Variants in CCNH observed in about 807,000 individuals in gnomAD.
CCNH encodes the protein cyclin-H.
In CCNH, 31 loss-of-function variants were observed where a neutral mutation model predicts 41.9. The observed-to-expected ratio is 0.74, with a 90% CI of 0.56 to 1.00. The LOEUF is 1.00. Ranked by LOEUF, CCNH falls within the 50% of genes least tolerant of loss-of-function variation. CCNH has a pLI of 0.00. For missense variants in CCNH, 362 were observed against 388.4 expected (o/e 0.93, Z 0.57); for synonymous variants, 138 against 136.1 (o/e 1.01, Z -0.10).
At chr5:87,412,089 C>G (rs1410337695) in intron 1 of CCNH, among the ~76,000 whole-genome samples, 2 of 152,138 alleles carry the variant, frequency 1.3e-5, no homozygotes, top group Non-Finnish European at 2.9e-5. Context: ...AGCGCTGTTT[C>G]CAGAACGGAA....
At chr5:87,347,522 G>C (rs905173959) in intron 9 of CCNH, among the ~76,000 whole-genome samples, 1 of 151,944 alleles carries the variant, frequency 6.6e-6, no homozygotes, top group Non-Finnish European at 1.5e-5. Flanking sequence ...CAAAAATGTT[G>C]ACTATTCAAT....
downstream of CCNH, chr5:87,392,084 A>G (rs975325325): frequency 9.0e-6 from 3 of 332,824 alleles, no homozygotes; most frequent in Middle Eastern, 9.7e-4. Context: ...TATAAATGCA[A>G]TAATTCCTTC....
intron 9 of CCNH, among the ~76,000 whole-genome samples, chr5:87,357,331 C>T (rs1759727119): frequency 6.6e-6 from 1 of 151,964 alleles, no homozygotes; most frequent in African/African-American, 2.4e-5. Context: ...ATCAGAGGTG[C>T]CTTTGCCTCC....
intron 9 of CCNH, among the ~76,000 whole-genome samples, chr5:87,364,686 A>G (rs1760373977): frequency 6.6e-6 from 1 of 151,990 alleles, no homozygotes; most frequent in Non-Finnish European, 1.5e-5. Flanking sequence ...TCTACTCTGC[A>G]CCCTTCTTGT....
At chr5:87,313,614 C>G (rs1387840076), downstream of CCNH, among the ~76,000 whole-genome samples, 7 of 152,248 alleles carry the variant, frequency 4.6e-5, no homozygotes, top group Admixed American at 3.3e-4. Flanking sequence ...ACTTAAATGT[C>G]CCCCAGTATC....
intron 9 of CCNH, among the ~76,000 whole-genome samples, chr5:87,335,653 T>C (rs1021655001): frequency 6.6e-6 from 1 of 152,040 alleles, no homozygotes; most frequent in African/African-American, 2.4e-5. Context: ...CTTGAACTAC[T>C]GACCTCGGGT....
intron 9 of CCNH, among the ~76,000 whole-genome samples, chr5:87,356,323 C>G (rs1415150486): frequency 6.6e-6 from 1 of 152,052 alleles, no homozygotes; most frequent in East Asian, 1.9e-4. Context: ...ACATCAGTAT[C>G]AAGGCAAGAC....
chr5:87,315,512 CAA>C (rs886768865), downstream of CCNH, among the ~76,000 whole-genome samples: 4 of 152,294 alleles, frequency 2.6e-5, no homozygotes, highest in African/African-American at 9.6e-5. Context: ...AAGTTTCTAA[CAA>C]AGGAAATTTG....
downstream of CCNH, chr5:87,392,294 G>T (rs764397118): frequency 4.4e-5 from 20 of 455,824 alleles, 1 homozygote; most frequent in Middle Eastern, 3.2e-4. Context: ...GGGCTTAAAA[G>T]ATGTCTGCTT....
intron 9 of CCNH, among the ~76,000 whole-genome samples, chr5:87,361,150 A>C (rs1173532382): frequency 6.6e-6 from 1 of 152,200 alleles, no homozygotes; most frequent in Non-Finnish European, 1.5e-5. Context: ...TGTCCACTAA[A>C]GTCTGTCTTT....
rs1256447072 is a variant in CCNH at position 87,394,449 on chromosome 5, G to C, written c.969C>G (p.Leu323=). 1 of 1,612,640 alleles carries C rather than the reference G, an allele frequency of 6.2e-7. No individual in the cohort carries two copies. Among genetic ancestry groups the C allele is most frequent in the East Asian group, 2.2e-5 (1 of 44,794 alleles). ...TTGAGAAATCAACTTCAAATGGTTA[G>C]AGAGATTCTACCAGGTCGTCATCAG... ...EWTDDDLVES[L] is the part of the protein sequence containing the mutation. Residue 323 remains leucine, a synonymous_variant, in exon 9 of 9, where the codon CTC becomes CTG. Coordinates refer to ENST00000256897, the MANE Select transcript of CCNH (RefSeq NM_001239.4).
At chr5:87,374,897 A>G (rs901983128), downstream of CCNH, 1 of 1,608,212 alleles carries the variant, frequency 6.2e-7, no homozygotes, top group African/African-American at 1.3e-5. Context: ...AAACAAAGAA[A>G]AGCAAAGATC....
At chr5:87,407,241 C>G (rs3093793) in intron 4 of CCNH, among the ~76,000 whole-genome samples, 1 of 152,098 alleles carries the variant, frequency 6.6e-6, no homozygotes, top group Non-Finnish European at 1.5e-5. Context: ...ATATTTTCCC[C>G]TCTGTATCAT....
At chr5:87,378,397 T>C (rs1761467274), upstream of CCNH, 1 of 1,612,992 alleles carries the variant, frequency 6.2e-7, no homozygotes, top group East Asian at 2.2e-5. Context: ...TTTGTGTAGA[T>C]GAAGCCACTA....
intron 4 of CCNH, 141 bp downstream of exon 4, chr5:87,407,835 G>T: frequency 1.6e-6 from 1 of 607,904 alleles, no homozygotes; most frequent in Non-Finnish European, 2.9e-6. Context: ...GAAAACAACT[G>T]CCCTAGATGA....
downstream of CCNH, among the ~76,000 whole-genome samples, chr5:87,371,468 T>C (rs1051191440): frequency 1.1e-4 from 17 of 152,190 alleles, no homozygotes; most frequent in African/African-American, 3.6e-4. Flanking sequence ...TTGTTTTTAA[T>C]AAACCTTAGT....
At chr5:87,339,805 T>C (rs925877444) in intron 9 of CCNH, among the ~76,000 whole-genome samples, 1 of 152,134 alleles carries the variant, frequency 6.6e-6, no homozygotes, top group African/African-American at 2.4e-5. Flanking sequence ...ATAAACAATT[T>C]TCACTCCAAT....
chr5:87,321,681 G>T (rs545595150), intron 9 of CCNH, among the ~76,000 whole-genome samples: 2 of 152,236 alleles, frequency 1.3e-5, no homozygotes, highest in African/African-American at 4.8e-5. Context: ...CTCTGTTTCC[G>T]TGGAGTTAGG....
intron 2 of CCNH, among the ~76,000 whole-genome samples, chr5:87,410,351 T>C (rs942034490): frequency 6.6e-6 from 1 of 152,242 alleles, no homozygotes; most frequent in African/African-American, 2.4e-5. Context: ...AATCTGAAGA[T>C]ATAAACTAAT....
Sources: allele counts gnomAD v4.1 joint callset (sites outside exome capture counted in the v4.1 genomes callset), GRCh38; gene constraint gnomAD v4.1.1; transcripts MANE v1.5; gene names NCBI Gene and HGNC (gene_info 2026-07-23, HGNC 2026-07-21).